WDR6: variants seen among roughly 807,000 people sequenced by gnomAD.
WDR6 encodes the protein WD repeat domain 6.
In WDR6, 58 loss-of-function variants were observed where a neutral mutation model predicts 85.6. The observed-to-expected ratio is 0.68, with a 90% CI of 0.55 to 0.84. The LOEUF (loss-of-function observed/expected upper bound fraction) is 0.84. Among genes scored for constraint, WDR6 ranks in the 40% least tolerant of loss-of-function variants. The pLI is 0.00. For synonymous variants in WDR6, 569 were observed against 582.2 expected (o/e 0.98, Z 0.33); for missense variants, 1,310 against 1,476.4 (o/e 0.89, Z 1.85).
In WDR6 at chr3:49,015,646, C is replaced by T; in HGVS notation, c.*358C>T. ...AGCCAGGCCAGTATGGAGCACCTCA[C>T]GCACAGCTCTCAGAAGCTGCAGGCG... On this transcript the variant is annotated 3_prime_UTR_variant, in exon 6 of 6. Transcript: ENST00000608424. 7.4e-6 allele frequency: 12 copies of T among 1,614,136 alleles called. No homozygotes were observed. In the Admixed American group the frequency reaches 8.3e-5, roughly 11 times the overall value.
At position 49,015,495 on chromosome 3, in the gene WDR6, C is replaced by CA; in HGVS notation, c.*210dup. 1.3e-6 allele frequency: 2 copies of CA among 1,570,666 alleles called. No individual in the cohort carries two copies. The highest frequency in any genetic ancestry group is 1.7e-6 in the Non-Finnish European group (2 of 1,149,376). On this transcript the variant is annotated 3_prime_UTR_variant, in exon 6 of 6. Coordinates refer to ENST00000608424, the MANE Select transcript of WDR6 (RefSeq NM_018031.6). ...CCCATGACAAGACAGAACTTTGTAA[C>CA]AAACAGTACCAATTTATTTTGGCCG...
In WDR6 at chr3:49,013,523, T is replaced by C. The variant is rs572759355; in HGVS notation, c.1989T>C (p.Ser663=). The C allele has an allele frequency of 6.2e-7, 1 of 1,614,070 alleles. No individual in the cohort carries two copies. The highest frequency in any genetic ancestry group is 1.1e-5 in the South Asian group (1 of 91,078). ...GAGGGCACCGTTCGTGGGCATTCTC[T>C]GATACTGAGGCGGCCATGGCCTTTG... is the stretch of plus-strand genomic sequence containing the variant. ...CGGGHRSWAF[S]DTEAAMAFAY... Residue 663 remains serine (S), a synonymous_variant, in exon 2 of 6, where the codon TCT becomes TCC. Transcript: ENST00000608424. The surrounding 1 kb of genome is among the most constrained non-coding windows in gnomAD (Gnocchi z 4.6).
In WDR6 at chr3:49,012,313, G is replaced by T. The variant is rs747366717; in HGVS notation, c.779G>T (p.Arg260Leu). The change falls in exon 2 of 6, where the codon CGT becomes CTT. Residue 260 changes from arginine to leucine, a missense_variant. Transcript: ENST00000608424. The surrounding 1 kb of genome is among the most constrained non-coding windows in gnomAD (Gnocchi z 4.4). ...NIGHCFGHSA[R>L]VWQVKLLENY... ...GGGCACTGCTTTGGGCACAGCGCCC[G>T]TGTGTGGCAGGTCAAGCTTCTAGAG... 6.2e-7 allele frequency: 1 copy of T among 1,614,232 alleles called. No individual in the cohort carries two copies. The highest frequency in any genetic ancestry group is 8.5e-7 in the Non-Finnish European group (1 of 1,180,040).
chr3:49,009,317 C>A lies in WDR6; in HGVS notation c.100+1786C>A, dbSNP rs868710050. Among the ~76,000 whole-genome samples the A allele has an allele frequency of 2.5e-4, 31 of 123,328 alleles. 1 individual carries two copies. The South Asian group carries it at 4.9e-3, about 19-fold the overall frequency. The allele number at this position is 123,328 out of a possible 152,430, so 80.9% of individuals were successfully genotyped here. A position where few individuals can be genotyped will look rare whatever the true frequency, so the allele number is the denominator to read the frequency against. On this transcript the variant is annotated intron_variant, in intron 1 of 5. Coordinates refer to ENST00000608424, the MANE Select transcript of WDR6 (RefSeq NM_018031.6). ...AACCCTCCCATTGCTCCCCACCCCC[C>A]CCCCCCCGCCCCAACATTTCCCAGT...
chr3:49,010,113 C>T (rs1268101421), intron 1 of WDR6, among the ~76,000 whole-genome samples: 2 of 151,698 alleles, frequency 1.3e-5, no homozygotes, highest in African/African-American at 4.8e-5. Flanking sequence ...GAACATCAAG[C>T]GTGACTGATG....
In WDR6 at chr3:49,015,492, TAACA is replaced by T. The variant is rs1291927697; in HGVS notation, c.*209_*212del. 14 of 1,567,380 alleles carry T rather than the reference TAACA, an allele frequency of 8.9e-6. No individual in the cohort carries two copies. The highest frequency in any genetic ancestry group is 1.2e-5 in the Non-Finnish European group (14 of 1,146,718). On this transcript the variant is annotated 3_prime_UTR_variant, in exon 6 of 6. Coordinates refer to ENST00000608424, the MANE Select transcript of WDR6 (RefSeq NM_018031.6). ...CTCCCCATGACAAGACAGAACTTTG[TAACA>T]AACAGTACCAATTTATTTTGGCCGT... is the stretch of plus-strand genomic sequence containing the variant.
In WDR6 at chr3:49,013,605, C is replaced by A; in HGVS notation, c.2071C>A (p.Pro691Thr). Residue 691 changes from proline (P) to threonine (T), a missense_variant, in exon 2 of 6, where the codon CCA (proline) becomes ACA (threonine). Pro to Thr is a conservative substitution (Grantham distance 38, BLOSUM62 -1). Coordinates refer to ENST00000608424, the MANE Select transcript of WDR6 (RefSeq NM_018031.6). This position sits in a 1 kb window ranked among gnomAD's most constrained non-coding sequence, Gnocchi z 4.6. The stretch of plus-strand genomic sequence containing the variant: ...CAGGGCTCTGGGTGGCTGCACCCGG[C>A]CACACGTGATTCTCCGGGAGGGTCT... ...LYRALGGCTR[P>T]HVILREGLHG... The A allele has an allele frequency of 6.2e-7, 1 of 1,614,080 alleles. No homozygotes were observed. The highest frequency in any genetic ancestry group is 1.1e-5 in the South Asian group (1 of 91,082).
In WDR6 at chr3:49,014,914, G is replaced by C. The variant is rs756790032; in HGVS notation, c.2992G>C (p.Val998Leu). The C allele has an allele frequency of 6.2e-7, 1 of 1,614,094 alleles. No individual in the cohort carries two copies. The highest frequency in any genetic ancestry group is 1.1e-5 in the South Asian group (1 of 91,076). ...TLPTREGHHL[V>L]ASGSEDGSLH... The stretch of plus-strand genomic sequence containing the variant: ...GCCCACCCGTGAGGGCCACCATCTC[G>C]TGGCCAGTGGCAGTGAAGATGGATC... The change falls in exon 6 of 6, where the codon GTG (valine) becomes CTG (leucine). Residue 998 changes from valine (V) to leucine (L), a missense_variant. By Grantham distance (32) the Val-to-Leu change is conservative. Coordinates refer to ENST00000608424, the MANE Select transcript of WDR6 (RefSeq NM_018031.6). The surrounding 1 kb of genome is among the most constrained non-coding windows in gnomAD (Gnocchi z 4.9).
Position 49,013,068 on chromosome 3 carries a change from C to A in WDR6, c.1534C>A (p.Arg512=), listed in dbSNP as rs201452350. Residue 512 remains arginine, a synonymous_variant, in exon 2 of 6, where the codon CGG becomes AGG. Coordinates refer to ENST00000608424, the MANE Select transcript of WDR6 (RefSeq NM_018031.6). The surrounding 1 kb of genome is among the most constrained non-coding windows in gnomAD (Gnocchi z 4.6). ...PGDFLVCGDR[R]GSVLLFPSRP... ...TGACTTCCTGGTGTGTGGTGACCGC[C>A]GGGGCTCTGTGCTGCTATTCCCCTC... 4 of 1,611,202 alleles carry A rather than the reference C, an allele frequency of 2.5e-6. No individual in the cohort carries two copies. In the South Asian group the frequency reaches 4.4e-5, roughly 18 times the overall value.
Position 49,015,359 on chromosome 3 carries a change from T to C in WDR6, c.*71T>C. 6.5e-7 allele frequency: 1 copy of C among 1,533,596 alleles called. No individual in the cohort carries two copies. The highest frequency in any genetic ancestry group is 1.2e-5 in the South Asian group (1 of 83,804). 95.0% of individuals were successfully genotyped at this position (1,533,596 alleles called of 1,614,324 possible). On this transcript the variant is annotated 3_prime_UTR_variant, in exon 6 of 6. Coordinates refer to ENST00000608424, the MANE Select transcript of WDR6 (RefSeq NM_018031.6). The stretch of plus-strand genomic sequence containing the variant: ...GACAGCATGGAGCAGGGATGGGCTG[T>C]CTGTGCCCATGCTCAGCATGCCTTG...
intron 1 of WDR6, among the ~76,000 whole-genome samples, chr3:49,008,665 G>A (rs1295656317): frequency 2.0e-5 from 3 of 152,148 alleles, no homozygotes; most frequent in African/African-American, 4.8e-5. Context: ...GAGTCTGGGA[G>A]GAAAGGAAGC....
Position 49,012,273 on chromosome 3 carries a change from C to G in WDR6, c.739C>G (p.Arg247Gly). The change falls in exon 2 of 6, where the codon CGG (arginine) becomes GGG (glycine). Residue 247 changes from arginine (R) to glycine (G), a missense_variant. Coordinates refer to ENST00000608424, the MANE Select transcript of WDR6 (RefSeq NM_018031.6). The surrounding 1 kb of genome is among the most constrained non-coding windows in gnomAD (Gnocchi z 4.4). Reference sequence around the variant, plus strand: ...GGGCGACCTGCGAGTGCCTGGGGGTCGGGTGCAGAATATTGGGCACTGCTT... The same window carrying G: ...GGGCGACCTGCGAGTGCCTGGGGGTGGGGTGCAGAATATTGGGCACTGCTT... ...KVGDLRVPGG[R>G]VQNIGHCFGH... is the part of the protein sequence containing the mutation. The G allele has an allele frequency of 6.2e-7, 1 of 1,614,212 alleles. No individual in the cohort carries two copies. The highest frequency in any genetic ancestry group is 1.3e-5 in the African/African-American group (1 of 75,048).
At position 49,012,634 on chromosome 3, in the gene WDR6, A is replaced by T. The variant is rs762635678; in HGVS notation, c.1100A>T (p.Asp367Val). The change falls in exon 2 of 6, where the codon GAT becomes GTT. Residue 367 changes from aspartate (D) to valine (V), a missense_variant. Asp to Val is a radical substitution (Grantham distance 152, BLOSUM62 -3). Coordinates refer to ENST00000608424, the MANE Select transcript of WDR6 (RefSeq NM_018031.6). This position sits in a 1 kb window ranked among gnomAD's most constrained non-coding sequence, Gnocchi z 4.4. ...TCTTGGCGACTGCTGGCAGTGACTG[A>T]TACAGGGGCCCTGTATCTCTATGAC... ...AGSWRLLAVT[D>V]TGALYLYDVE... 6.8e-6 allele frequency: 11 copies of T among 1,614,016 alleles called. No homozygotes were observed. The highest frequency in any genetic ancestry group is 9.3e-6 in the Non-Finnish European group (11 of 1,179,992).
Position 49,012,341 on chromosome 3 carries a change from T to C in WDR6, c.807T>C (p.Asn269=), listed in dbSNP as rs143608083. 55 of 1,614,072 alleles carry C rather than the reference T, an allele frequency of 3.4e-5. No homozygotes were observed. Among genetic ancestry groups the C allele is most frequent in the Non-Finnish European group, 4.3e-5 (51 of 1,180,038 alleles). ...TGTGGCAGGTCAAGCTTCTAGAGAA[T>C]TACCTTATCAGTGCAGGAGAGGATT... The part of the protein sequence containing the change: ...ARVWQVKLLE[N]YLISAGEDCV... The change falls in exon 2 of 6, where the codon AAT becomes AAC. Residue 269 remains asparagine, a synonymous_variant. Coordinates refer to ENST00000608424, the MANE Select transcript of WDR6 (RefSeq NM_018031.6). The surrounding 1 kb of genome is among the most constrained non-coding windows in gnomAD (Gnocchi z 4.4).
In WDR6 at chr3:49,012,604, C is replaced by A; in HGVS notation, c.1070C>A (p.Ala357Asp). The change falls in exon 2 of 6, where the codon GCT becomes GAT. Residue 357 changes from alanine to aspartate, a missense_variant. By Grantham distance (126) the Ala-to-Asp change is moderately radical (BLOSUM62 -2). Transcript: ENST00000608424. The surrounding 1 kb of genome is among the most constrained non-coding windows in gnomAD (Gnocchi z 4.4). ...RPGTLKAVTLAGSWRLLAVTD... is the reference protein window; with the variant it reads ...RPGTLKAVTLDGSWRLLAVTD... ...GGTACACTCAAGGCTGTGACTCTGG[C>A]TGGCTCTTGGCGACTGCTGGCAGTG... The A allele has an allele frequency of 6.2e-7, 1 of 1,614,068 alleles. No homozygotes were observed. The highest frequency in any genetic ancestry group is 1.7e-5 in the Admixed American group (1 of 60,018).
At position 49,012,629 on chromosome 3, in the gene WDR6, G is replaced by C. The variant is rs1332577808; in HGVS notation, c.1095G>C (p.Val365=). ...CTGGCTCTTGGCGACTGCTGGCAGT[G>C]ACTGATACAGGGGCCCTGTATCTCT... ...TLAGSWRLLA[V]TDTGALYLYD... is the part of the protein sequence containing the mutation. Residue 365 remains valine, a synonymous_variant, in exon 2 of 6, where the codon GTG becomes GTC. Transcript: ENST00000608424. This position sits in a 1 kb window ranked among gnomAD's most constrained non-coding sequence, Gnocchi z 4.4. The C allele has an allele frequency of 1.9e-6, 3 of 1,613,968 alleles. No homozygotes were observed. In the African/African-American group the frequency reaches 4.0e-5, roughly 22 times the overall value.
At chr3:49,009,125 GC>G (rs1390479565) in intron 1 of WDR6, 1 of 151,684 alleles carries the variant, frequency 6.6e-6, no homozygotes, top group Non-Finnish European at 1.5e-5. Context: ...CAAGTGATTC[GC>G]CTGCCTCAGC....
In WDR6 at chr3:49,015,457, A is replaced by T; in HGVS notation, c.*169A>T. The T allele has an allele frequency of 6.8e-7, 1 of 1,463,968 alleles. No homozygotes were observed. The highest frequency in any genetic ancestry group is 9.4e-7 in the Non-Finnish European group (1 of 1,068,178). The allele number at this position is 1,463,968 out of a possible 1,614,324, so 90.7% of individuals were successfully genotyped here. On this transcript the variant is annotated 3_prime_UTR_variant, in exon 6 of 6. Transcript: ENST00000608424. ...GAAGGTGAGTGGAGTGCTGCCAAGA[A>T]TATGCCCGACTCCCCATGACAAGAC...
chr3:49,011,864 T>TG lies in WDR6; in HGVS notation c.332dup (p.Leu112ProfsTer6). 6.2e-7 allele frequency: 1 copy of TG among 1,614,260 alleles called. No individual in the cohort carries two copies. The highest frequency in any genetic ancestry group is 1.1e-5 in the South Asian group (1 of 91,090). On this transcript the variant is annotated frameshift_variant, in exon 2 of 6. Transcript: ENST00000608424. LOFTEE classifies it high-confidence loss of function. Reference sequence around the variant, plus strand: ...GCCACTTCTGGGAGCTTTGGCGCTCTGGCCTGTGGAACATGTCTGACTGGA... The same window carrying TG: ...GCCACTTCTGGGAGCTTTGGCGCTCTGGGCCTGTGGAACATGTCTGACTGGA...
Sources: gnomAD v4.1 joint callset for allele counts (sites outside exome capture counted in the v4.1 genomes callset) on GRCh38, gnomAD v4.1.1 for gene constraint, Gnocchi (gnomAD v3.1) non-coding constraint, MANE v1.5 for transcripts, NCBI Gene and HGNC (gene_info 2026-07-23, HGNC 2026-07-21) for gene names.